FLYWCH1: variants seen among roughly 807,000 people sequenced by gnomAD.
FLYWCH1 encodes FLYWCH-type zinc finger-containing protein 1.
Under a neutral mutation model 66.4 loss-of-function variants are expected in FLYWCH1, and 75 were observed. The ratio of observed to expected loss-of-function variants is 1.13; its 90% confidence interval spans 0.94 to 1.37. The LOEUF (loss-of-function observed/expected upper bound fraction) is 1.37, where lower values mean the gene tolerates loss of function less well. Ranked by LOEUF, FLYWCH1 falls within the 40% of genes most tolerant of loss-of-function variation. The pLI, the probability that FLYWCH1 is intolerant of heterozygous loss-of-function variation, is 0.00. For missense variants in FLYWCH1, 1,334 were observed against 1,001.8 expected (o/e 1.33, Z -4.48); for synonymous variants, 595 against 429.9 (o/e 1.38, Z -4.75).
chr16:2,942,903 T>C (rs1276516583), intron 9 of FLYWCH1, among the ~76,000 whole-genome samples: 2 of 151,750 alleles, frequency 1.3e-5, no homozygotes, highest in Non-Finnish European at 2.9e-5. Flanking sequence ...GGTTTCGCTA[T>C]GTTGGCTAGG....
Position 2,930,811 on chromosome 16 carries a change from G to C in FLYWCH1, c.727G>C (p.Glu243Gln), listed in dbSNP as rs779560750. Reference protein sequence around the residue: ...GLVLSKPALEEEEAPRALSLL... With the variant: ...GLVLSKPALEQEEAPRALSLL... ...GGTGCTGAGCAAGCCGGCCCTGGAGGAGGAGGAGGCACCCCGAGCCCTGTC... is the reference window on the plus strand; with the variant it reads ...GGTGCTGAGCAAGCCGGCCCTGGAGCAGGAGGAGGCACCCCGAGCCCTGTC... The change falls in exon 4 of 10, where the codon GAG (glutamate) becomes CAG (glutamine). Residue 243 changes from glutamate to glutamine, a missense_variant. Physicochemically the swap from Glu to Gln is conservative, Grantham distance 29. Transcript: ENST00000253928. 6.2e-7 allele frequency: 1 copy of C among 1,602,846 alleles called. No individual in the cohort carries two copies. Among genetic ancestry groups the C allele is most frequent in the South Asian group, 1.1e-5 (1 of 89,388 alleles).
At chr16:2,923,067 A>C in intron 2 of FLYWCH1, 1 of 410,826 alleles carries the variant, frequency 2.4e-6, no homozygotes, top group Admixed American at 3.2e-5. Context: ...TGTTGTGCGG[A>C]TCTATTTTTT....
At chr16:2,945,853 C>A (rs577786709) in intron 9 of FLYWCH1, among the ~76,000 whole-genome samples, 11 of 151,468 alleles carry the variant, frequency 7.3e-5, no homozygotes, top group Non-Finnish European at 8.8e-5. Flanking sequence ...AAAAATTAGC[C>A]GAGCGTGGTG....
chr16:2,933,507 G>T lies in FLYWCH1; in HGVS notation c.1174G>T (p.Ala392Ser). ...TLTRPRPRKR[A>S]KVEDQELPTQ... Reference sequence around the variant, plus strand: ...CACCAGGCCTCGGCCCAGAAAGCGAGCAAAGGTCGAAGACCAGGAGCTGCC... The same window carrying T: ...CACCAGGCCTCGGCCCAGAAAGCGATCAAAGGTCGAAGACCAGGAGCTGCC... Residue 392 changes from alanine (A) to serine (S), a missense_variant, in exon 5 of 10, where the codon GCA (alanine) becomes TCA (serine). Coordinates refer to ENST00000253928, the MANE Select transcript of FLYWCH1 (RefSeq NM_001308068.2). The T allele has an allele frequency of 1.2e-6, 2 of 1,611,998 alleles. No homozygotes were observed. The highest frequency in any genetic ancestry group is 1.7e-6 in the Non-Finnish European group (2 of 1,179,304).
At chr16:2,925,784 T>A (rs1336409127) in intron 2 of FLYWCH1, among the ~76,000 whole-genome samples, 2 of 151,952 alleles carry the variant, frequency 1.3e-5, no homozygotes, top group Non-Finnish European at 2.9e-5. Flanking sequence ...CTGGTACCTG[T>A]GATTTCCTGG....
chr16:2,925,985 C>T (rs904356110), intron 2 of FLYWCH1, among the ~76,000 whole-genome samples: 3 of 152,098 alleles, frequency 2.0e-5, no homozygotes, highest in South Asian at 2.1e-4. Flanking sequence ...ACTGCAGTCT[C>T]GATTCCAGGC....
chr16:2,912,548 T>A (rs934578062), intron 1 of FLYWCH1, among the ~76,000 whole-genome samples: 9 of 152,256 alleles, frequency 5.9e-5, no homozygotes, highest in African/African-American at 2.2e-4. Context: ...ACCCTATAGA[T>A]CTCCGGTGAC....
At chr16:2,916,917 G>T (rs1219269234) in intron 2 of FLYWCH1, among the ~76,000 whole-genome samples, 1 of 151,662 alleles carries the variant, frequency 6.6e-6, no homozygotes, top group East Asian at 2.0e-4. Flanking sequence ...GGCCGAGGGG[G>T]GTGGATCATG....
chr16:2,947,156 G>T (rs756561759), intron 9 of FLYWCH1, among the ~76,000 whole-genome samples: 4 of 152,158 alleles, frequency 2.6e-5, no homozygotes, highest in Admixed American at 2.0e-4. Context: ...AAAAAGGAAC[G>T]AAGTACTGAC....
At chr16:2,937,440 A>C (rs1567345038) in intron 7 of FLYWCH1, 56 bp downstream of exon 7, 10 of 1,473,356 alleles carry the variant, frequency 6.8e-6, no homozygotes, top group Non-Finnish European at 8.0e-6. Flanking sequence ...CCTGTGCCCC[A>C]CACGCTGGCT....
intron 2 of FLYWCH1, 91 bp from the exon 3 acceptor site, chr16:2,929,522 G>A: frequency 1.1e-6 from 1 of 893,344 alleles, no homozygotes. Flanking sequence ...GAGCAGTGAG[G>A]CAGCCCCATC....
At chr16:2,929,219 C>T (rs1192277650) in intron 2 of FLYWCH1, among the ~76,000 whole-genome samples, 1 of 152,186 alleles carries the variant, frequency 6.6e-6, no homozygotes, top group Non-Finnish European at 1.5e-5. Flanking sequence ...GTGTCTGTGC[C>T]TCACTATCCT....
At chr16:2,913,882 A>G (rs2150871609) in intron 1 of FLYWCH1, among the ~76,000 whole-genome samples, 1 of 152,136 alleles carries the variant, frequency 6.6e-6, no homozygotes, top group East Asian at 1.9e-4. Context: ...TTTAGTAGAA[A>G]TGGTGGGGGC....
At chr16:2,919,787 A>G (rs535066864) in intron 2 of FLYWCH1, among the ~76,000 whole-genome samples, 4 of 152,256 alleles carry the variant, frequency 2.6e-5, no homozygotes, top group African/African-American at 9.6e-5. Context: ...GTTTGAAAAC[A>G]TTGCCACCCG....
intron 2 of FLYWCH1, among the ~76,000 whole-genome samples, chr16:2,917,411 T>C (rs866905036): frequency 1.7e-4 from 25 of 151,322 alleles, no homozygotes; most frequent in African/African-American, 6.1e-4. Flanking sequence ...GTATTTTTAG[T>C]AGAGACGGGG....
chr16:2,925,327 G>A (rs532491953), intron 2 of FLYWCH1, among the ~76,000 whole-genome samples: 35 of 152,136 alleles, frequency 2.3e-4, no homozygotes, highest in Admixed American at 5.9e-4. Context: ...GAACTGCCAC[G>A]TCCATCGTCC....
At chr16:2,920,524 A>G (rs556609347) in intron 2 of FLYWCH1, among the ~76,000 whole-genome samples, 2 of 151,872 alleles carry the variant, frequency 1.3e-5, no homozygotes, top group Admixed American at 1.3e-4. Flanking sequence ...AAAAAAAAAA[A>G]AACACTTTTC....
At chr16:2,946,956 CAT>C (rs1183672814) in intron 9 of FLYWCH1, among the ~76,000 whole-genome samples, 1 of 152,160 alleles carries the variant, frequency 6.6e-6, no homozygotes, top group East Asian at 1.9e-4. Context: ...TAATGTTCAA[CAT>C]AGAGGTACCC....
chr16:2,930,090 AG>A, intron 3 of FLYWCH1, 80 bp downstream of exon 3: 1 of 1,255,702 alleles, frequency 8.0e-7, no homozygotes, highest in South Asian at 1.4e-5. Context: ...CCCTGCTTCA[AG>A]CATAGTGTCT....
Sources: gnomAD v4.1 joint callset for allele counts (sites outside exome capture counted in the v4.1 genomes callset) on GRCh38, gnomAD v4.1.1 for gene constraint, MANE v1.5 for transcripts, NCBI Gene and HGNC (gene_info 2026-07-23, HGNC 2026-07-21) for gene names.